TIAM1: variants seen among roughly 807,000 people sequenced by gnomAD.
TIAM1 encodes the protein TIAM Rac1 associated GEF 1.
Under a neutral mutation model 163.5 loss-of-function variants are expected in TIAM1, and 65 were observed. The observed-to-expected ratio is 0.40, with a 90% CI of 0.33 to 0.49. The LOEUF is 0.49. TIAM1 is among the 20% of genes least tolerant of loss of function. The pLI is 0.77. For missense variants in TIAM1, 1,789 were observed against 2,044.7 expected, an observed-to-expected ratio of 0.87 and a Z score of 2.41; for synonymous variants, 833 against 810.1, an observed-to-expected ratio of 1.03 and a Z score of -0.48.
chr21:31,522,282 G>A (rs554143843), intron 1 of TIAM1, among the ~76,000 whole-genome samples: 28 of 151,442 alleles, frequency 1.8e-4, no homozygotes, highest in African/African-American at 6.3e-4. Flanking sequence ...CAAGGTGGGC[G>A]GATCACCTGA....
intron 2 of TIAM1, among the ~76,000 whole-genome samples, chr21:31,403,422 CA>C (rs1467246236): frequency 2.0e-5 from 3 of 152,200 alleles, no homozygotes; most frequent in African/African-American, 7.2e-5. Context: ...GCTGGGATTA[CA>C]GGCGTGAGCC....
intron 2 of TIAM1, among the ~76,000 whole-genome samples, chr21:31,368,203 C>G (rs1003354082): frequency 6.6e-6 from 1 of 152,168 alleles, no homozygotes; most frequent in Non-Finnish European, 1.5e-5. Flanking sequence ...TTAAGGGAAA[C>G]TATTTAAGAC....
At chr21:31,506,871 C>G (rs148888041) in intron 1 of TIAM1, among the ~76,000 whole-genome samples, 3,095 of 152,222 alleles carry the variant, frequency 0.02, 39 homozygotes, top group Non-Finnish European at 0.033. Flanking sequence ...GAGCCGAGAT[C>G]GTGCCACTAT....
chr21:31,258,942 A>G lies in TIAM1; in HGVS notation c.964-6753T>C, dbSNP rs115904184. 3.5e-3 allele frequency among the ~76,000 whole-genome samples: 539 copies of G among 152,222 alleles called. 2 individuals carry two copies. Among genetic ancestry groups the G allele is most frequent in the African/African-American group, 0.013 (522 of 41,546 alleles). ...GTGACAGGCTGGTCAGGTGTTTCCT[A>G]AGTTCTCCATTGGGATCCATGGAGA... On this transcript the variant is annotated intron_variant, in intron 4 of 27. Transcript: ENST00000541036.
At chr21:31,419,261 A>C (rs1281271118) in intron 2 of TIAM1, among the ~76,000 whole-genome samples, 1 of 152,366 alleles carries the variant, frequency 6.6e-6, no homozygotes, top group South Asian at 2.1e-4. Context: ...TGAATGCGTG[A>C]GAAATTCATG....
chr21:31,355,160 GT>G (rs1379188791), intron 2 of TIAM1, among the ~76,000 whole-genome samples: 5 of 142,746 alleles, frequency 3.5e-5, no homozygotes, highest in Non-Finnish European at 6.1e-5. Context: ...ACCAGACACT[GT>G]TCCCCCACCA....
At chr21:31,147,232 A>G (rs1244061723) in intron 19 of TIAM1, among the ~76,000 whole-genome samples, 1 of 152,108 alleles carries the variant, frequency 6.6e-6, no homozygotes. Context: ...CTTAGTATTT[A>G]TAGGGTAGAT....
intron 2 of TIAM1, among the ~76,000 whole-genome samples, chr21:31,389,607 G>A (rs2076935691): frequency 6.6e-6 from 1 of 152,226 alleles, no homozygotes; most frequent in Non-Finnish European, 1.5e-5. Context: ...CAACACACTA[G>A]GCATACACAG....
At chr21:31,344,542 C>CA (rs2076109531), upstream of TIAM1, among the ~76,000 whole-genome samples, 1 of 152,006 alleles carries the variant, frequency 6.6e-6, no homozygotes, top group South Asian at 2.1e-4. Flanking sequence ...CAGCACGTGG[C>CA]AAAAAAGCAG....
chr21:31,290,885 T>C (rs1162125959), intron 2 of TIAM1, among the ~76,000 whole-genome samples: 3 of 152,086 alleles, frequency 2.0e-5, no homozygotes, highest in Non-Finnish European at 4.4e-5. Flanking sequence ...AGGTAGCACA[T>C]CACCATTAAG....
At chr21:31,511,808 A>G (rs1283075127) in intron 1 of TIAM1, among the ~76,000 whole-genome samples, 3 of 152,228 alleles carry the variant, frequency 2.0e-5, no homozygotes, top group African/African-American at 4.8e-5. Context: ...AAATGATTAA[A>G]ATGTCCCAAA....
intron 11 of TIAM1, among the ~76,000 whole-genome samples, chr21:31,205,420 GA>G (rs1413654634): frequency 6.6e-6 from 1 of 152,144 alleles, no homozygotes; most frequent in East Asian, 1.9e-4. Context: ...CTGTCTTCCA[GA>G]AATCAGGCCA....
intron 2 of TIAM1, among the ~76,000 whole-genome samples, chr21:31,433,557 T>C (rs1443701272): frequency 6.6e-6 from 1 of 152,214 alleles, no homozygotes. Context: ...ACTCAAATCA[T>C]TCCTTTTAGA....
intron 4 of TIAM1, among the ~76,000 whole-genome samples, chr21:31,252,796 C>T (rs1222261428): frequency 6.6e-6 from 1 of 152,226 alleles, no homozygotes; most frequent in Non-Finnish European, 1.5e-5. Flanking sequence ...TCCTCATCCT[C>T]TAATCAGATT....
chr21:31,337,567 T>C (rs2075884505), intron 2 of TIAM1, among the ~76,000 whole-genome samples: 1 of 147,310 alleles, frequency 6.8e-6, no homozygotes, highest in Non-Finnish European at 1.5e-5. Context: ...AGTCTTGCTC[T>C]ATTGCCCAGG....
At chr21:31,228,231 A>T (rs1410817636) in intron 6 of TIAM1, among the ~76,000 whole-genome samples, 10 of 106,452 alleles carry the variant, frequency 9.4e-5, no homozygotes, top group Admixed American at 2.5e-4. Context: ...AAAAAAAAAA[A>T]AAAAAAAAAA....
intron 2 of TIAM1, among the ~76,000 whole-genome samples, chr21:31,326,199 T>C (rs942031545): frequency 6.6e-6 from 1 of 152,204 alleles, no homozygotes; most frequent in Admixed American, 6.5e-5. Flanking sequence ...TTTTGTTCTG[T>C]TCCATTTTTC....
chr21:31,281,202 T>C (rs1199736888), intron 2 of TIAM1, among the ~76,000 whole-genome samples: 1 of 152,084 alleles, frequency 6.6e-6, no homozygotes, highest in Non-Finnish European at 1.5e-5. Flanking sequence ...GGATACTGTA[T>C]TGTATTTGCC....
chr21:31,196,862 T>C (rs187360011), intron 12 of TIAM1, among the ~76,000 whole-genome samples: 515 of 152,210 alleles, frequency 3.4e-3, no homozygotes, highest in African/African-American at 0.011. Flanking sequence ...CCAGGGTGGA[T>C]TGGATAAAGA....
Sources: allele counts gnomAD v4.1 joint callset (sites outside exome capture counted in the v4.1 genomes callset), GRCh38; gene constraint gnomAD v4.1.1; transcripts MANE v1.5; gene names NCBI Gene and HGNC (gene_info 2026-07-23, HGNC 2026-07-21).